The following ARMC2 variants were observed in gnomAD, a reference collection of about 807,000 sequenced individuals.
The protein encoded by ARMC2 is armadillo repeat containing 2.
In ARMC2, 67 loss-of-function variants were observed where a neutral mutation model predicts 90.3. That is an observed-to-expected ratio of 0.74 (90% CI 0.61 to 0.91). The LOEUF is 0.91. ARMC2 is among the 40% of genes least tolerant of loss of function. ARMC2 has a pLI of 0.00. For synonymous variants in ARMC2, 393 were observed against 393.0 expected, an observed-to-expected ratio of 1.00 and a Z score of 0.00; for missense variants, 920 against 1,030.9, an observed-to-expected ratio of 0.89 and a Z score of 1.47.
chr6:109,042,636 C>A, the ARMC2 span, among the ~76,000 whole-genome samples: 1 of 151,726 alleles, frequency 6.6e-6, no homozygotes, highest in Non-Finnish European at 1.5e-5. Context: ...TCAATTCCCA[C>A]CATAACTCCA....
At chr6:108,926,220 A>T (rs1775090026) in intron 10 of ARMC2, among the ~76,000 whole-genome samples, 1 of 152,118 alleles carries the variant, frequency 6.6e-6, no homozygotes, top group Non-Finnish European at 1.5e-5. Context: ...GTTTCCCATG[A>T]TGTCTGTCTG....
intron 17 of ARMC2, among the ~76,000 whole-genome samples, chr6:108,971,562 G>A (rs1037629667): frequency 6.6e-6 from 1 of 152,120 alleles, no homozygotes; most frequent in Admixed American, 6.6e-5. Flanking sequence ...AATATTCAGT[G>A]TAGAAAATCT....
the ARMC2 span, among the ~76,000 whole-genome samples, chr6:109,032,855 G>T: frequency 3.9e-5 from 6 of 152,060 alleles, no homozygotes; most frequent in African/African-American, 1.2e-4. Context: ...ATAGGCTGTA[G>T]TTTTTTAAAA....
the ARMC2 span, among the ~76,000 whole-genome samples, chr6:109,010,059 A>G: frequency 6.6e-6 from 1 of 152,186 alleles, no homozygotes; most frequent in Non-Finnish European, 1.5e-5. Context: ...TGCAAAATTC[A>G]TTTTGCTAAG....
At chr6:108,958,146 G>A (rs575183998) in intron 13 of ARMC2, among the ~76,000 whole-genome samples, 2 of 152,282 alleles carry the variant, frequency 1.3e-5, no homozygotes, top group African/African-American at 4.8e-5. Flanking sequence ...AGGCCATGAT[G>A]TGGGGACCTC....
At chr6:109,001,240 G>T in the ARMC2 span, 1 of 1,494,836 alleles carries the variant, frequency 6.7e-7, no homozygotes, top group Non-Finnish European at 9.3e-7. Context: ...CTCTTAAAGA[G>T]ATTAATAAAA....
Position 108,953,311 on chromosome 6 carries a change from C to T in ARMC2, c.1875C>T (p.Ala625=), listed in dbSNP as rs139586062. 4.1e-4 allele frequency: 654 copies of T among 1,609,568 alleles called. 2 individuals are homozygous for T. In the African/African-American group the frequency reaches 6.8e-3, roughly 17 times the overall value. ...AIHPGVGPVL[A]ANPGIVGLLL... ...ACCCGGGCGTGGGCCCGGTGCTGGC[C>T]GCCAACCCGGGGATAGTGGGCCTGC... The change falls in exon 13 of 18, where the codon GCC becomes GCT. Residue 625 remains alanine, a synonymous_variant. Coordinates refer to ENST00000392644, the MANE Select transcript of ARMC2 (RefSeq NM_032131.6).
At chr6:108,923,173 T>A (rs1240042908) in intron 10 of ARMC2, 1 of 152,248 alleles carries the variant, frequency 6.6e-6, no homozygotes, top group Non-Finnish European at 1.5e-5. Flanking sequence ...ATTTCTCTAC[T>A]AAGTCCTTTA....
At chr6:109,043,130 A>G in the ARMC2 span, among the ~76,000 whole-genome samples, 2 of 152,190 alleles carry the variant, frequency 1.3e-5, no homozygotes, top group Admixed American at 1.3e-4. Flanking sequence ...ACATTTGAGT[A>G]AATTTAACAC....
At chr6:108,963,695 C>T (rs550535980) in intron 15 of ARMC2, among the ~76,000 whole-genome samples, 6 of 152,336 alleles carry the variant, frequency 3.9e-5, no homozygotes, top group African/African-American at 1.2e-4. Context: ...GATGTCCCTA[C>T]ACTGGAAGGC....
intron 12 of ARMC2, among the ~76,000 whole-genome samples, chr6:108,941,859 A>G (rs1022415985): frequency 1.3e-5 from 2 of 152,200 alleles, no homozygotes; most frequent in African/African-American, 4.8e-5. Flanking sequence ...TTTTACTTAT[A>G]ATAAAGATTG....
At chr6:109,005,581 G>T in the ARMC2 span, among the ~76,000 whole-genome samples, 2 of 152,138 alleles carry the variant, frequency 1.3e-5, no homozygotes, top group Admixed American at 1.3e-4. Context: ...ATTCCAAGAA[G>T]GTGGCTATGA....
chr6:108,888,947 G>GC (rs1770661994), intron 5 of ARMC2, among the ~76,000 whole-genome samples: 1 of 151,950 alleles, frequency 6.6e-6, no homozygotes, highest in Non-Finnish European at 1.5e-5. Flanking sequence ...GTTCCTTATT[G>GC]CCTGTCAAAT....
the ARMC2 span, among the ~76,000 whole-genome samples, chr6:109,008,545 C>G: frequency 6.6e-6 from 1 of 152,054 alleles, no homozygotes; most frequent in African/African-American, 2.4e-5. Flanking sequence ...TTAAAGAAAT[C>G]ACGAAACCAC....
chr6:108,859,982 C>T (rs1488004744), intron 3 of ARMC2, among the ~76,000 whole-genome samples: 3 of 143,116 alleles, frequency 2.1e-5, no homozygotes, highest in Non-Finnish European at 4.5e-5. Context: ...CCAGCCTGGG[C>T]GACAAGAGTG....
chr6:108,953,210 AG>A lies in ARMC2; in HGVS notation c.1777del (p.Ala593ArgfsTer15), dbSNP rs780497990. 2.5e-6 allele frequency: 4 copies of A among 1,614,018 alleles called. No individual in the cohort carries two copies. Among genetic ancestry groups the A allele is most frequent in the Non-Finnish European group, 3.4e-6 (4 of 1,179,900 alleles). ...GGTGGGCCAACGAGGCGAGCAGCAC[AG>A]GGCGCAGAGGCCGCCGTCAGAGGCA... ...KPVGQRGEQH[R>X]AQRPPSEAED... On this transcript the variant is annotated frameshift_variant, in exon 13 of 18. Coordinates refer to ENST00000392644, the MANE Select transcript of ARMC2 (RefSeq NM_032131.6). LOFTEE classifies it high-confidence loss of function.
chr6:108,880,266 G>A (rs1777393045), intron 5 of ARMC2: 1 of 249,042 alleles, frequency 4.0e-6, no homozygotes, highest in Non-Finnish European at 8.0e-6. Flanking sequence ...ATTTGGAGAA[G>A]GGTTAGCCCT....
the ARMC2 span, chr6:109,001,621 T>C: frequency 1.3e-6 from 1 of 747,602 alleles, no homozygotes; most frequent in Non-Finnish European, 2.2e-6. Context: ...GGTTACAAAT[T>C]TAAACTCAAC....
chr6:108,980,638 T>C, the ARMC2 span, among the ~76,000 whole-genome samples: 1 of 152,036 alleles, frequency 6.6e-6, no homozygotes, highest in African/African-American at 2.4e-5. Flanking sequence ...CCCAGGGAGA[T>C]GGGGGTTTTA....
Sources: gnomAD v4.1 joint callset for allele counts (sites outside exome capture counted in the v4.1 genomes callset) on GRCh38, gnomAD v4.1.1 for gene constraint, MANE v1.5 for transcripts, NCBI Gene and HGNC (gene_info 2026-07-23, HGNC 2026-07-21) for gene names.